PCDH15: variants seen among roughly 807,000 people sequenced by gnomAD.
The protein encoded by PCDH15 is protocadherin-15.
In PCDH15, 129 loss-of-function variants were observed where a neutral mutation model predicts 178.5. That is an observed-to-expected ratio of 0.72 (90% confidence interval 0.63 to 0.84). The LOEUF (loss-of-function observed/expected upper bound fraction) is 0.84, where lower values mean the gene tolerates loss of function less well. Ranked by LOEUF, PCDH15 falls within the 40% of genes least tolerant of loss-of-function variation. The pLI, the probability that PCDH15 is intolerant of heterozygous loss-of-function variation, is 0.00. For synonymous variants in PCDH15, 800 were observed against 732.0 expected, an observed-to-expected ratio of 1.09 and a Z score of -1.50; for missense variants, 2,230 against 2,099.9, an observed-to-expected ratio of 1.06 and a Z score of -1.21.
chr10:53,856,442 T>C (rs2078751960), intron 28 of PCDH15, among the ~76,000 whole-genome samples: 2 of 152,098 alleles, frequency 1.3e-5, no homozygotes, highest in South Asian at 4.2e-4. Flanking sequence ...ATGCCACATA[T>C]TTTACAATAA....
intron 13 of PCDH15, among the ~76,000 whole-genome samples, chr10:54,167,350 A>G (rs988754205): frequency 4.0e-5 from 6 of 151,702 alleles, no homozygotes; most frequent in African/African-American, 1.5e-4. Context: ...CCACTCTTCA[A>G]TCTCTCCCTT....
chr10:54,994,342 G>C (rs1333264285), intron 2 of PCDH15, among the ~76,000 whole-genome samples: 2 of 152,086 alleles, frequency 1.3e-5, no homozygotes, highest in Non-Finnish European at 2.9e-5. Context: ...ATTTGGGGCA[G>C]TTACTTTCAG....
chr10:54,474,243 T>C (rs2078117745), intron 3 of PCDH15, among the ~76,000 whole-genome samples: 1 of 151,794 alleles, frequency 6.6e-6, no homozygotes, highest in South Asian at 2.1e-4. Flanking sequence ...AAGTTTAGAA[T>C]GATACCAAAG....
intron 2 of PCDH15, among the ~76,000 whole-genome samples, chr10:55,581,512 C>T (rs1349810468): frequency 2.0e-5 from 3 of 151,362 alleles, no homozygotes; most frequent in Non-Finnish European, 4.4e-5. Flanking sequence ...GTAAATTTTG[C>T]TTCTATCTTA....
At chr10:54,614,234 T>C (rs1411510301) in intron 2 of PCDH15, among the ~76,000 whole-genome samples, 2 of 151,966 alleles carry the variant, frequency 1.3e-5, no homozygotes, top group Non-Finnish European at 2.9e-5. Flanking sequence ...AACACTAGCC[T>C]AGAGGGCTGA....
chr10:54,852,961 A>T (rs1372562966), intron 3 of PCDH15, among the ~76,000 whole-genome samples: 1 of 150,496 alleles, frequency 6.6e-6, no homozygotes, highest in East Asian at 2.0e-4. Flanking sequence ...AAAATGCCAC[A>T]CTATCAATAG....
intron 8 of PCDH15, among the ~76,000 whole-genome samples, chr10:54,293,853 C>T (rs1393686716): frequency 6.6e-6 from 1 of 152,144 alleles, no homozygotes; most frequent in African/African-American, 2.4e-5. Context: ...AATAGGCACA[C>T]TTTTACACTG....
At position 54,066,879 on chromosome 10, in the gene PCDH15, T is replaced by G; in HGVS notation, c.2098A>C (p.Thr700Pro). The change falls in exon 18 of 38, where the codon ACT becomes CCT. Residue 700 changes from threonine to proline, a missense_variant. Coordinates refer to ENST00000644397, the MANE Select transcript of PCDH15 (RefSeq NM_001384140.1). ...GTCACCACTATGTTTACTGTGGCAG[T>G]TGAGGTCTTAAAGAAAAACACAAGC... is the stretch of plus-strand genomic sequence containing the variant. Reference protein sequence around the residue: ...ASDGRPDGTSTATVNIVVTDV... With the variant: ...ASDGRPDGTSPATVNIVVTDV... The G allele has an allele frequency of 6.2e-7, 1 of 1,613,166 alleles. No homozygotes were observed. The highest frequency in any genetic ancestry group is 1.1e-5 in the South Asian group (1 of 91,052).
rs564210505 is a variant in PCDH15 at position 54,511,439 on chromosome 10, C to G, written c.157+16373G>C. Reference sequence around the variant, plus strand: ...ACCTGCAGATTCTTCACGCCTACCACCAGAAACAGAGAGAATAGCACTTCA... The same window carrying G: ...ACCTGCAGATTCTTCACGCCTACCAGCAGAAACAGAGAGAATAGCACTTCA... On this transcript the variant is annotated intron_variant, in intron 3 of 37. Transcript: ENST00000644397. 3.3e-5 allele frequency among the ~76,000 whole-genome samples: 5 copies of G among 152,230 alleles called. No homozygotes were observed. In the South Asian group the frequency reaches 6.2e-4, roughly 19 times the overall value.
chr10:54,484,319 T>C (rs2136979769), intron 3 of PCDH15, among the ~76,000 whole-genome samples: 1 of 152,062 alleles, frequency 6.6e-6, no homozygotes, highest in Non-Finnish European at 1.5e-5. Flanking sequence ...CATGGCTTTT[T>C]TTCCCCTTCA....
At chr10:55,022,480 A>T (rs2131956089) in intron 2 of PCDH15, among the ~76,000 whole-genome samples, 1 of 151,006 alleles carries the variant, frequency 6.6e-6, no homozygotes, top group East Asian at 2.0e-4. Flanking sequence ...GGAAAGAGAT[A>T]TTATGTATTC....
intron 1 of PCDH15, among the ~76,000 whole-genome samples, chr10:54,708,323 C>G (rs1289383514): frequency 6.6e-6 from 1 of 152,106 alleles, no homozygotes; most frequent in Non-Finnish European, 1.5e-5. Context: ...AGCAAAAGGT[C>G]ATGGCTCATA....
chr10:54,239,055 A>C (rs1054432991), intron 8 of PCDH15, among the ~76,000 whole-genome samples: 6 of 152,132 alleles, frequency 3.9e-5, no homozygotes, highest in African/African-American at 1.4e-4. Flanking sequence ...TTTTGCTATT[A>C]TAAAATAAGT....
intron 26 of PCDH15, among the ~76,000 whole-genome samples, chr10:53,888,969 A>G (rs975853665): frequency 2.0e-5 from 3 of 150,850 alleles, no homozygotes; most frequent in Admixed American, 6.6e-5. Flanking sequence ...TAGAGTGGAG[A>G]AAAAAAATGG....
intron 3 of PCDH15, among the ~76,000 whole-genome samples, chr10:54,446,709 C>T (rs1386912987): frequency 1.3e-5 from 2 of 151,310 alleles, no homozygotes; most frequent in African/African-American, 2.4e-5. Context: ...TGTAATTGGG[C>T]CCCTTGAGAT....
chr10:55,583,350 C>T (rs1473356387), intron 2 of PCDH15, among the ~76,000 whole-genome samples: 1 of 152,110 alleles, frequency 6.6e-6, no homozygotes, highest in Non-Finnish European at 1.5e-5. Context: ...TATATAGCTT[C>T]AATAGAATAT....
intron 18 of PCDH15, among the ~76,000 whole-genome samples, chr10:54,052,176 C>T (rs1367919960): frequency 6.6e-6 from 1 of 152,200 alleles, no homozygotes; most frequent in Non-Finnish European, 1.5e-5. Context: ...ACACAGAGTC[C>T]CCACTGGGGC....
At position 54,433,013 on chromosome 10, in the gene PCDH15, CAAT is replaced by C. The variant is rs111812261; in HGVS notation, c.158-54074_158-54072del. Among the ~76,000 whole-genome samples the C allele has an allele frequency of 8.0e-3, 1,220 of 152,064 alleles. 17 individuals are homozygous for C. Among genetic ancestry groups the C allele is most frequent in the African/African-American group, 0.028 (1,151 of 41,498 alleles). The stretch of plus-strand genomic sequence containing the variant: ...ACCAGAGAAATGTAAATCAAAACAA[CAAT>C]GAGATATCATCTTACACCAGTTAAA... On this transcript the variant is annotated intron_variant, in intron 3 of 37. Transcript: ENST00000644397.
chr10:54,238,675 TCTCACACA>T (rs979187961), intron 8 of PCDH15, among the ~76,000 whole-genome samples: 8 of 142,834 alleles, frequency 5.6e-5, no homozygotes, highest in Non-Finnish European at 7.5e-5. Flanking sequence ...TCTCTCTCTC[TCTCACACA>T]CACACACACA....
Sources: allele counts gnomAD v4.1 joint callset (sites outside exome capture counted in the v4.1 genomes callset), GRCh38; gene constraint gnomAD v4.1.1; transcripts MANE v1.5; gene names NCBI Gene and HGNC (gene_info 2026-07-23, HGNC 2026-07-21).